RANBP2: variants seen among roughly 807,000 people sequenced by gnomAD.
RANBP2 encodes the protein E3 SUMO-protein ligase RanBP2.
RANBP2 carries 57 observed loss-of-function variants against 303.6 expected under a neutral mutation model. That is an observed-to-expected ratio of 0.19 (90% confidence interval 0.15 to 0.23). RANBP2 has a LOEUF of 0.23. Ranked by LOEUF, RANBP2 falls within the 10% of genes least tolerant of loss-of-function variation. The pLI, the probability that RANBP2 is intolerant of heterozygous loss-of-function variation, is 1.00. For missense variants in RANBP2, 3,138 were observed against 3,780.8 expected (o/e 0.83, Z 4.46); for synonymous variants, 1,167 against 1,301.5 (o/e 0.90, Z 2.23).
the RANBP2 span, among the ~76,000 whole-genome samples, chr2:109,481,677 T>C: frequency 1.3e-5 from 2 of 152,214 alleles, no homozygotes; most frequent in African/African-American, 4.8e-5. Context: ...TGGAGGGCTC[T>C]GCCTCGCAGC....
At chr2:109,645,164 A>G in the RANBP2 span, among the ~76,000 whole-genome samples, 1 of 152,192 alleles carries the variant, frequency 6.6e-6, no homozygotes, top group Non-Finnish European at 1.5e-5. Context: ...GCACGCCTTC[A>G]TGGGCCCCAG....
At chr2:109,566,667 G>A in the RANBP2 span, among the ~76,000 whole-genome samples, 1 of 152,052 alleles carries the variant, frequency 6.6e-6, no homozygotes. Flanking sequence ...AGAGGAGTGA[G>A]AGATCACTAG....
the RANBP2 span, among the ~76,000 whole-genome samples, chr2:109,016,290 G>A: frequency 3.3e-5 from 5 of 151,562 alleles, no homozygotes; most frequent in Non-Finnish European, 5.9e-5. Context: ...GGGTTTCACC[G>A]TGTTCACCAG....
rs771968165 is a variant in RANBP2, at chr2:108,763,283, A to G, written c.2744A>G (p.Tyr915Cys). Residue 915 changes from tyrosine (Y) to cysteine (C), a missense_variant, in exon 20 of 29, where the codon TAT (tyrosine) becomes TGT (cysteine). By Grantham distance (194) the Tyr-to-Cys change is radical. Transcript: ENST00000283195. ...MNRLPPQQHI[Y>C]AYPQQMHTPP... ...AGGCTTCCACCCCAACAGCATATTT[A>G]TGCCTATCCGCAACAGATGCACACA... 1.2e-6 allele frequency: 2 copies of G among 1,613,882 alleles called. No homozygotes were observed. Among genetic ancestry groups the G allele is most frequent in the South Asian group, 2.2e-5 (2 of 91,076 alleles).
chr2:109,271,160 T>C, the RANBP2 span, among the ~76,000 whole-genome samples: 16 of 152,298 alleles, frequency 1.1e-4, no homozygotes, highest in South Asian at 3.1e-3. Context: ...GGGTGTGTGC[T>C]TGGCTTCCTG....
chr2:109,478,239 C>A, the RANBP2 span, among the ~76,000 whole-genome samples: 1 of 152,346 alleles, frequency 6.6e-6, no homozygotes, highest in Admixed American at 6.5e-5. Context: ...ATTTTTCATT[C>A]CTTCTCTCTC....
chr2:109,658,727 A>G, the RANBP2 span, among the ~76,000 whole-genome samples: 5 of 151,490 alleles, frequency 3.3e-5, no homozygotes, highest in Non-Finnish European at 7.4e-5. Flanking sequence ...GGAGTTTGAG[A>G]ACAGAACAGC....
the RANBP2 span, among the ~76,000 whole-genome samples, chr2:109,201,006 G>A: frequency 3.1e-4 from 47 of 152,300 alleles, 1 homozygote; most frequent in South Asian, 9.5e-3. Context: ...GGCAGCAGCA[G>A]CAGCTAAGTG....
At chr2:109,578,399 G>T in the RANBP2 span, among the ~76,000 whole-genome samples, 3 of 152,022 alleles carry the variant, frequency 2.0e-5, no homozygotes, top group Admixed American at 1.3e-4. Context: ...CATTACAAGA[G>T]AAAAAAGGTC....
At chr2:109,464,018 C>T in the RANBP2 span, among the ~76,000 whole-genome samples, 1 of 152,170 alleles carries the variant, frequency 6.6e-6, no homozygotes, top group Non-Finnish European at 1.5e-5. Context: ...CCCCAATTCA[C>T]AGAACATAGC....
the RANBP2 span, among the ~76,000 whole-genome samples, chr2:109,694,131 C>T: frequency 6.6e-6 from 1 of 152,194 alleles, no homozygotes; most frequent in South Asian, 2.1e-4. Flanking sequence ...GAGGTGGGGC[C>T]TGGTGGGAGG....
rs760879925 is a variant in RANBP2 at position 108,768,116 on chromosome 2, G to C, written c.7577G>C (p.Ser2526Thr). Reference protein sequence around the residue: ...FGSESVKSIFSSEKSKPFAFG... With the variant: ...FGSESVKSIFTSEKSKPFAFG... Reference sequence around the variant, plus strand: ...TCAGAGTCTGTTAAAAGCATTTTTAGTAGTGAAAAATCAAAACCATTTGCA... The same window carrying C: ...TCAGAGTCTGTTAAAAGCATTTTTACTAGTGAAAAATCAAAACCATTTGCA... Residue 2526 changes from serine to threonine, a missense_variant, in exon 20 of 29, where the codon AGT (serine) becomes ACT (threonine). Physicochemically the swap from Ser to Thr is moderately conservative, Grantham distance 58. Transcript: ENST00000283195. The C allele has an allele frequency of 1.9e-6, 3 of 1,612,046 alleles. No individual in the cohort carries two copies. The highest frequency in any genetic ancestry group is 2.5e-6 in the Non-Finnish European group (3 of 1,179,866).
the RANBP2 span, chr2:108,906,505 C>T: frequency 1.1e-6 from 1 of 901,336 alleles, no homozygotes; most frequent in Non-Finnish European, 1.8e-6. Flanking sequence ...GTGTCAGCAG[C>T]CCAGCCCTGA....
At chr2:108,854,009 TAATATATAATAA>T in the RANBP2 span, among the ~76,000 whole-genome samples, 1 of 98,694 alleles carries the variant, frequency 1.0e-5, no homozygotes, top group East Asian at 2.3e-4. Context: ...ATATTATATA[TAATATATAATAA>T]ATTTATATTA....
the RANBP2 span, among the ~76,000 whole-genome samples, chr2:109,166,936 G>A: frequency 6.6e-6 from 1 of 152,164 alleles, no homozygotes; most frequent in Non-Finnish European, 1.5e-5. Flanking sequence ...GCAACATGAT[G>A]CATCCATAAA....
At chr2:108,888,689 G>T in the RANBP2 span, among the ~76,000 whole-genome samples, 1 of 151,506 alleles carries the variant, frequency 6.6e-6, no homozygotes, top group South Asian at 2.1e-4. Context: ...TTTTATTTGG[G>T]TCTTCTTTCC....
At chr2:109,672,334 C>T in the RANBP2 span, among the ~76,000 whole-genome samples, 1 of 152,112 alleles carries the variant, frequency 6.6e-6, no homozygotes, top group Non-Finnish European at 1.5e-5. Context: ...GTAATAAGTT[C>T]CACTTTATGA....
chr2:109,702,856 A>C, the RANBP2 span, among the ~76,000 whole-genome samples: 3 of 150,852 alleles, frequency 2.0e-5, no homozygotes, highest in Admixed American at 2.0e-4. Flanking sequence ...TTTTTCCTGG[A>C]AACAGAGGTG....
In RANBP2 at chr2:108,781,556, A is replaced by G. The variant is rs184048595; in HGVS notation, c.8760+127A>G. ...GTTTACTGTTTGAAATGGAAGCTCTATTTATTAGATGTCTAGCCTTTAAGT... is the reference window on the plus strand; with the variant it reads ...GTTTACTGTTTGAAATGGAAGCTCTGTTTATTAGATGTCTAGCCTTTAAGT... On this transcript the variant is annotated intron_variant, in intron 26 of 28. Transcript: ENST00000283195. 3.7e-5 allele frequency: 30 copies of G among 816,976 alleles called. No homozygotes were observed. In the Admixed American group the frequency reaches 4.9e-4, roughly 13 times the overall value. 50.6% of individuals were successfully genotyped at this position (816,976 alleles called of 1,614,324 possible).
Sources: gnomAD v4.1 joint callset for allele counts (sites outside exome capture counted in the v4.1 genomes callset) on GRCh38, gnomAD v4.1.1 for gene constraint, MANE v1.5 for transcripts, NCBI Gene and HGNC (gene_info 2026-07-23, HGNC 2026-07-21) for gene names.